WTIP: variants seen among roughly 807,000 people sequenced by gnomAD.
WTIP encodes WT1 interacting protein, also known as Wilms tumor protein 1-interacting protein.
Under a neutral mutation model 41.7 loss-of-function variants are expected in WTIP, and 23 were observed. The observed-to-expected ratio is 0.55, with a 90% CI of 0.40 to 0.78. The LOEUF is 0.78. Among genes scored for constraint, WTIP ranks in the 30% least tolerant of loss-of-function variants. WTIP has a pLI of 0.00. For missense variants in WTIP, 619 were observed against 610.5 expected (o/e 1.01, Z -0.15); for synonymous variants, 314 against 269.9 (o/e 1.16, Z -1.60).
chr19:34,497,110 G>A (rs984721718), intron 7 of WTIP, among the ~76,000 whole-genome samples: 9 of 152,064 alleles, frequency 5.9e-5, no homozygotes, highest in African/African-American at 7.2e-5. Context: ...TGATCCACCC[G>A]CCTTGGCCTC....
intron 6 of WTIP, 45 bp downstream of exon 6, chr19:34,494,682 G>A (rs374427985): frequency 2.4e-5 from 38 of 1,600,714 alleles, no homozygotes; most frequent in Admixed American, 1.2e-4. Context: ...TGGCCCAGCC[G>A]GCTGCTGTCC....
rs2075917408 is a variant in WTIP at position 34,507,515 on chromosome 19, C to T, written c.*7246C>T. ...TGCCCCCTGAGGGTCTGCCCGGTCA[C>T]ATCCCCTTGTCTTCTCTAGGGTTCA... On this transcript the variant is annotated 3_prime_UTR_variant, in exon 8 of 8. Coordinates refer to ENST00000590071, the MANE Select transcript of WTIP (RefSeq NM_001080436.2). 1 of 152,016 alleles carries T rather than the reference C, an allele frequency of 6.6e-6. No individual in the cohort carries two copies. The highest frequency in any genetic ancestry group is 2.4e-5 in the African/African-American group (1 of 41,360). The allele number at this position is 152,016 out of a possible 1,614,324, so 9.4% of individuals were successfully genotyped here. A position where few individuals can be genotyped will look rare whatever the true frequency, so the allele number is the denominator to read the frequency against.
In WTIP at chr19:34,505,573, G is replaced by T. The variant is rs904671273; in HGVS notation, c.*5304G>T. ...CCTCCCCCCACCTGCCACGCCCATT[G>T]TCCTACACCCAGCGCACACTCCTCT... On this transcript the variant is annotated 3_prime_UTR_variant, in exon 8 of 8. Transcript: ENST00000590071. 6.6e-6 allele frequency: 1 copy of T among 152,560 alleles called. No individual in the cohort carries two copies. Among genetic ancestry groups the T allele is most frequent in the Non-Finnish European group, 1.5e-5 (1 of 68,380 alleles). 9.5% of individuals were successfully genotyped at this position (152,560 alleles called of 1,614,324 possible). A position where few individuals can be genotyped will look rare whatever the true frequency, so the allele number is the denominator to read the frequency against.
chr19:34,504,213 A>C lies in WTIP; in HGVS notation c.*3944A>C, dbSNP rs1011663871. 24 of 147,030 alleles carry C rather than the reference A, an allele frequency of 1.6e-4. No individual in the cohort carries two copies. The highest frequency in any genetic ancestry group is 6.4e-4 in the African/African-American group (24 of 37,688). The allele number at this position is 147,030 out of a possible 1,614,324, so 9.1% of individuals were successfully genotyped here. On this transcript the variant is annotated 3_prime_UTR_variant, in exon 8 of 8. Coordinates refer to ENST00000590071, the MANE Select transcript of WTIP (RefSeq NM_001080436.2). The stretch of plus-strand genomic sequence containing the variant: ...GACTCCGAGAATGAGGGGGAAAGAT[A>C]CGGAGACAGGATAAGCTGCAGAGAG...
At chr19:34,498,166 G>A (rs1489082500) in intron 7 of WTIP, among the ~76,000 whole-genome samples, 1 of 152,136 alleles carries the variant, frequency 6.6e-6, no homozygotes, top group Non-Finnish European at 1.5e-5. Context: ...AGGTGTTGGT[G>A]TCAGGGGCTC....
chr19:34,492,254 A>G (rs1359257654), intron 2 of WTIP, among the ~76,000 whole-genome samples: 2 of 150,916 alleles, frequency 1.3e-5, no homozygotes, highest in Admixed American at 1.3e-4. Flanking sequence ...TAGTGGGACT[A>G]CAGACACGTA....
chr19:34,500,247 C>A lies in WTIP; in HGVS notation c.1271C>A (p.Thr424Asn). The change falls in exon 8 of 8, where the codon ACT becomes AAT. Residue 424 changes from threonine to asparagine, a missense_variant. Coordinates refer to ENST00000590071, the MANE Select transcript of WTIP (RefSeq NM_001080436.2). ...CAACCTGGGCCTCTTCCCTCACCCA[C>A]TGTGCACGTCACTGAGCTCTGAGCA... ...RLQPGPLPSPTVHVTEL is the reference protein window; with the variant it reads ...RLQPGPLPSPNVHVTEL 1 of 1,608,498 alleles carries A rather than the reference C, an allele frequency of 6.2e-7. No individual in the cohort carries two copies. Among genetic ancestry groups the A allele is most frequent in the Non-Finnish European group, 8.5e-7 (1 of 1,179,384 alleles).
In WTIP at chr19:34,481,844, G is replaced by GCCCCGCCCCGC; in HGVS notation, c.-127_-117dup. ...CCGGAACGACCCCGGCCCGGCGCCG[G>GCCCCGCCCCGC]CCCCGCCCCGCCCCGCGCCCAGGGG... On this transcript the variant is annotated 5_prime_UTR_variant, in exon 1 of 8. Transcript: ENST00000590071. The GCCCCGCCCCGC allele has an allele frequency of 2.6e-6, 1 of 381,990 alleles. No homozygotes were observed. The highest frequency in any genetic ancestry group is 3.6e-6 in the Non-Finnish European group (1 of 280,758). 23.7% of individuals were successfully genotyped at this position (381,990 alleles called of 1,614,324 possible).
Position 34,507,065 on chromosome 19 carries a change from T to TA in WTIP, c.*6797dup. On this transcript the variant is annotated 3_prime_UTR_variant, in exon 8 of 8. Transcript: ENST00000590071. ...GGAGAAACCCTGTCTCTACTAAAAA[T>TA]ACAAAATTTTTAGCCGGGCATGGTG... 6.6e-6 allele frequency: 1 copy of TA among 151,602 alleles called. No individual in the cohort carries two copies. The highest frequency in any genetic ancestry group is 2.0e-4 in the East Asian group (1 of 5,106). The allele number at this position is 151,602 out of a possible 1,614,324, so 9.4% of individuals were successfully genotyped here.
At chr19:34,496,212 C>T (rs2075852653) in intron 7 of WTIP, among the ~76,000 whole-genome samples, 1 of 152,232 alleles carries the variant, frequency 6.6e-6, no homozygotes, top group Non-Finnish European at 1.5e-5. Context: ...CTCACTCTTG[C>T]TCAGACTGGA....
Position 34,482,618 on chromosome 19 carries a change from C to A in WTIP, c.644C>A (p.Ala215Glu), listed in dbSNP as rs916869406. The change falls in exon 1 of 8, where the codon GCG (alanine) becomes GAG (glutamate). Residue 215 changes from alanine to glutamate, a missense_variant. Around this residue, in one of 3 missense-constraint regions of WTIP, gnomAD observed 363 missense variants for 309.0 expected, o/e 1.17. Coordinates refer to ENST00000590071, the MANE Select transcript of WTIP (RefSeq NM_001080436.2). The stretch of plus-strand genomic sequence containing the variant: ...CGGGAGCTGGAGCGGGCGCTCGAGG[C>A]GCGCACGGCGCGGGACTACTTCGGT... ...LTRELERALE[A>E]RTARDYFGIC... The A allele has an allele frequency of 2.0e-5, 25 of 1,229,732 alleles. No individual in the cohort carries two copies. In the African/African-American group the frequency reaches 3.3e-4, roughly 16 times the overall value. The allele number at this position is 1,229,732 out of a possible 1,614,324, so 76.2% of individuals were successfully genotyped here.
chr19:34,485,884 C>T (rs185340963), intron 1 of WTIP, among the ~76,000 whole-genome samples: 1 of 152,326 alleles, frequency 6.6e-6, no homozygotes, highest in African/African-American at 2.4e-5. Context: ...GGAGCCACTA[C>T]GCCTGGCCAG....
rs926430660 is a variant in WTIP, at chr19:34,510,263, T to C, written c.*9994T>C. 1 of 152,258 alleles carries C rather than the reference T, an allele frequency of 6.6e-6. No individual in the cohort carries two copies. The allele number at this position is 152,258 out of a possible 1,614,324, so 9.4% of individuals were successfully genotyped here. On this transcript the variant is annotated 3_prime_UTR_variant, in exon 8 of 8. Coordinates refer to ENST00000590071, the MANE Select transcript of WTIP (RefSeq NM_001080436.2). ...GCATTTTCATACATCTTCTGAAATC[T>C]AGATGGAGGTTCCCAAACCTCAATT...
intron 7 of WTIP, among the ~76,000 whole-genome samples, chr19:34,496,088 C>G (rs543247112): frequency 6.6e-6 from 1 of 152,268 alleles, no homozygotes; most frequent in Admixed American, 6.5e-5. Flanking sequence ...ACCTGGGAGG[C>G]AGAGGTTGCA....
chr19:34,484,982 C>T (rs2075790293), intron 1 of WTIP, among the ~76,000 whole-genome samples: 1 of 149,972 alleles, frequency 6.7e-6, no homozygotes, highest in Admixed American at 6.6e-5. Context: ...TGTTGTAGCG[C>T]CCTGAGAGTG....
rs2075771027 is a variant in WTIP at position 34,482,239 on chromosome 19, C to A, written c.265C>A (p.Pro89Thr). 8.2e-7 allele frequency: 1 copy of A among 1,218,842 alleles called. No individual in the cohort carries two copies. The highest frequency in any genetic ancestry group is 1.6e-5 in the African/African-American group (1 of 61,746). The allele number at this position is 1,218,842 out of a possible 1,614,324, so 75.5% of individuals were successfully genotyped here. ...PELSAQPAGS[P>T]RASLAGSDGG... Reference sequence around the variant, plus strand: ...GCTCAGCGCGCAGCCTGCGGGCAGCCCACGGGCCAGCCTGGCGGGGTCCGA... The same window carrying A: ...GCTCAGCGCGCAGCCTGCGGGCAGCACACGGGCCAGCCTGGCGGGGTCCGA... Residue 89 changes from proline to threonine, a missense_variant, in exon 1 of 8, where the codon CCA becomes ACA. By Grantham distance (38) the Pro-to-Thr change is conservative (BLOSUM62 -1). This residue lies in a region of WTIP where 363 missense variants were observed against 309.0 expected (regional missense o/e 1.17). Coordinates refer to ENST00000590071, the MANE Select transcript of WTIP (RefSeq NM_001080436.2).
At chr19:34,482,682 G>C (rs2075775210) in intron 1 of WTIP, 41 bp downstream of exon 1, 1 of 1,221,546 alleles carries the variant, frequency 8.2e-7, no homozygotes, top group Non-Finnish European at 1.0e-6. Flanking sequence ...GCGCATGGCT[G>C]GGGTCCGGGG....
chr19:34,482,408 C>A lies in WTIP; in HGVS notation c.434C>A (p.Ser145Tyr). The A allele has an allele frequency of 7.3e-7, 1 of 1,360,832 alleles. No individual in the cohort carries two copies. The highest frequency in any genetic ancestry group is 1.5e-5 in the South Asian group (1 of 65,030). The allele number at this position is 1,360,832 out of a possible 1,614,324, so 84.3% of individuals were successfully genotyped here. ...GTGGGCAGCGCCCGCTCCAGCGTTT[C>A]CAGCCTCGGCTCCCGGGGCTCGGCC... The part of the protein sequence containing the change: ...PSVGSARSSV[S>Y]SLGSRGSAGA... Residue 145 changes from serine to tyrosine, a missense_variant, in exon 1 of 8, where the codon TCC becomes TAC. By Grantham distance (144) the Ser-to-Tyr change is moderately radical. Around this residue, in one of 3 missense-constraint regions of WTIP, gnomAD observed 363 missense variants for 309.0 expected, o/e 1.17. Coordinates refer to ENST00000590071, the MANE Select transcript of WTIP (RefSeq NM_001080436.2).
intron 2 of WTIP, 52 bp downstream of exon 2, chr19:34,490,529 T>C: frequency 1.3e-6 from 2 of 1,546,418 alleles, no homozygotes; most frequent in South Asian, 2.2e-5. Context: ...TGCCACATCA[T>C]CCCCATTCCC....
Sources: gnomAD v4.1 joint callset for allele counts (sites outside exome capture counted in the v4.1 genomes callset) on GRCh38, gnomAD v4.1.1 for gene constraint, gnomAD v4.1.1 regional missense constraint, MANE v1.5 for transcripts, NCBI Gene and HGNC (gene_info 2026-07-23, HGNC 2026-07-21) for gene names.